The following KSR2 variants were observed in gnomAD, a reference collection of about 807,000 sequenced individuals.
The protein encoded by KSR2 is kinase suppressor of ras 2.
KSR2 carries 25 observed loss-of-function variants against 107.8 expected under a neutral mutation model. The observed-to-expected ratio is 0.23, with a 90% CI of 0.17 to 0.32. The LOEUF (loss-of-function observed/expected upper bound fraction) is 0.32, where lower values mean the gene tolerates loss of function less well. Ranked by LOEUF, KSR2 falls within the 10% of genes least tolerant of loss-of-function variation. The probability of loss-of-function intolerance (pLI) is 1.00; values close to 1 mark genes in which losing one functional copy is unlikely to be tolerated. For synonymous variants in KSR2, 480 were observed against 507.0 expected, an observed-to-expected ratio of 0.95 and a Z score of 0.71; for missense variants, 887 against 1,268.9, an observed-to-expected ratio of 0.70 and a Z score of 4.57.
At position 117,463,645 on chromosome 12, in the gene KSR2, T is replaced by C. The variant is rs939955678; in HGVS notation, c.*3554A>G. The C allele has an allele frequency of 6.6e-6, 1 of 152,276 alleles. No homozygotes were observed. The highest frequency in any genetic ancestry group is 2.4e-5 in the African/African-American group (1 of 41,472). The allele number at this position is 152,276 out of a possible 1,614,324, so 9.4% of individuals were successfully genotyped here. A position where few individuals can be genotyped will look rare whatever the true frequency, so the allele number is the denominator to read the frequency against. ...CTCAATTAAAACATGTAAAAACCATTTGGCAGGCTGGGTATGGCCTATGGG... is the reference window on the plus strand; with the variant it reads ...CTCAATTAAAACATGTAAAAACCATCTGGCAGGCTGGGTATGGCCTATGGG... On this transcript the variant is annotated 3_prime_UTR_variant, in exon 20 of 20. Transcript: ENST00000339824.
intron 1 of KSR2, among the ~76,000 whole-genome samples, chr12:117,957,229 C>T (rs1270443495): frequency 7.9e-5 from 12 of 152,122 alleles, no homozygotes; most frequent in Admixed American, 6.6e-5. Context: ...CCTGTGTCTG[C>T]GGCTGCCTTA....
At chr12:117,472,185 G>A (rs1334286307) in intron 17 of KSR2, among the ~76,000 whole-genome samples, 1 of 152,112 alleles carries the variant, frequency 6.6e-6, no homozygotes. Flanking sequence ...GTGGAAGGAT[G>A]TTTATCTGGG....
chr12:117,673,655 A>C (rs1370335758), intron 4 of KSR2, among the ~76,000 whole-genome samples: 1 of 152,090 alleles, frequency 6.6e-6, no homozygotes, highest in Non-Finnish European at 1.5e-5. Context: ...TCACCTTTCC[A>C]TCCACCCTCA....
Position 117,948,127 on chromosome 12 carries a change from C to T in KSR2, c.180+19949G>A, listed in dbSNP as rs116704935. Reference sequence around the variant, plus strand: ...TCACACTATTCAGTTTTTTTCTTTCCTTACCTAGATTTGACTGGTCAATTT... The same window carrying T: ...TCACACTATTCAGTTTTTTTCTTTCTTTACCTAGATTTGACTGGTCAATTT... On this transcript the variant is annotated intron_variant, in intron 1 of 19. Coordinates refer to ENST00000339824, the MANE Select transcript of KSR2 (RefSeq NM_173598.6). Among the ~76,000 whole-genome samples, 1,135 of 151,954 alleles carry T rather than the reference C, an allele frequency of 7.5e-3. 18 individuals are homozygous for T. Among genetic ancestry groups the T allele is most frequent in the African/African-American group, 0.025 (1,036 of 41,470 alleles).
chr12:117,676,629 G>T (rs1193410544), intron 4 of KSR2, among the ~76,000 whole-genome samples: 1 of 152,088 alleles, frequency 6.6e-6, no homozygotes, highest in East Asian at 1.9e-4. Flanking sequence ...CACCCAAATG[G>T]CTAAAAATAG....
At chr12:117,481,013 G>T (rs1160213923) in intron 16 of KSR2, among the ~76,000 whole-genome samples, 1 of 151,940 alleles carries the variant, frequency 6.6e-6, no homozygotes, top group East Asian at 1.9e-4. Context: ...AGTGAGCCGT[G>T]ATTGCACTAC....
intron 3 of KSR2, among the ~76,000 whole-genome samples, chr12:117,833,700 T>C (rs1410643433): frequency 6.6e-6 from 1 of 152,120 alleles, no homozygotes; most frequent in Admixed American, 6.5e-5. Flanking sequence ...TTTTTCCACA[T>C]TCAGTGGCAT....
intron 4 of KSR2, among the ~76,000 whole-genome samples, chr12:117,717,622 T>C (rs1887035121): frequency 6.6e-6 from 1 of 152,052 alleles, no homozygotes; most frequent in Admixed American, 6.6e-5. Flanking sequence ...TCTGTTACTT[T>C]AGTCTATCTA....
At chr12:117,635,043 T>C (rs1883000039) in intron 5 of KSR2, among the ~76,000 whole-genome samples, 1 of 152,066 alleles carries the variant, frequency 6.6e-6, no homozygotes, top group African/African-American at 2.4e-5. Flanking sequence ...CAATCAGACA[T>C]CCACACACAG....
At chr12:117,901,387 C>A (rs192430660) in intron 1 of KSR2, among the ~76,000 whole-genome samples, 48 of 151,754 alleles carry the variant, frequency 3.2e-4, no homozygotes, top group African/African-American at 1.1e-3. Flanking sequence ...ACTGCAACCT[C>A]CACCTCCTGG....
At position 117,460,142 on chromosome 12, in the gene KSR2, G is replaced by A. The variant is rs958095235; in HGVS notation, c.*7057C>T. 2.0e-5 allele frequency: 3 copies of A among 152,214 alleles called. No homozygotes were observed. Among genetic ancestry groups the A allele is most frequent in the Admixed American group, 2.0e-4 (3 of 15,284 alleles). The allele number at this position is 152,214 out of a possible 1,614,324, so 9.4% of individuals were successfully genotyped here. ...CGGCGAGTTTTCCATGGAATGAAAG[G>A]TCTATGGGACATGCTTGGGAAACAA... On this transcript the variant is annotated 3_prime_UTR_variant, in exon 20 of 20. Transcript: ENST00000339824.
At position 117,502,255 on chromosome 12, in the gene KSR2, T is replaced by G. The variant is rs183843785; in HGVS notation, c.2220-16564A>C. Among the ~76,000 whole-genome samples, 3 of 152,118 alleles carry G rather than the reference T, an allele frequency of 2.0e-5. No individual in the cohort carries two copies. The East Asian group carries it at 5.8e-4, about 29-fold the overall frequency. ...TGTGTGTGTACATATGTATGTGGAC[T>G]CACGTGTGTAGGGGTCTTTGCATTT... On this transcript the variant is annotated intron_variant, in intron 14 of 19. Coordinates refer to ENST00000339824, the MANE Select transcript of KSR2 (RefSeq NM_173598.6).
chr12:117,820,591 T>C (rs746082592), intron 3 of KSR2, among the ~76,000 whole-genome samples: 1 of 151,948 alleles, frequency 6.6e-6, no homozygotes, highest in Non-Finnish European at 1.5e-5. Context: ...AAGGAAGAAA[T>C]AGGAAGACTT....
chr12:117,484,678 G>A (rs1048828699), intron 15 of KSR2, 129 bp from the exon 16 acceptor site: 1 of 905,834 alleles, frequency 1.1e-6, no homozygotes, highest in Non-Finnish European at 1.7e-6. Context: ...CAGAGGCAGG[G>A]CCTGGGGTCT....
At chr12:117,878,548 T>A (rs758115771) in intron 1 of KSR2, among the ~76,000 whole-genome samples, 1 of 152,126 alleles carries the variant, frequency 6.6e-6, no homozygotes, top group Non-Finnish European at 1.5e-5. Flanking sequence ...TAGGCAGAAG[T>A]TCTGAGACTT....
At chr12:117,789,243 G>T (rs186154437) in intron 3 of KSR2, among the ~76,000 whole-genome samples, 1 of 152,148 alleles carries the variant, frequency 6.6e-6, no homozygotes, top group Non-Finnish European at 1.5e-5. Context: ...CTTCTGTAAG[G>T]CAAAAGAGAA....
At chr12:117,774,179 C>T (rs1889606130) in intron 3 of KSR2, among the ~76,000 whole-genome samples, 2 of 152,180 alleles carry the variant, frequency 1.3e-5, no homozygotes, top group Admixed American at 1.3e-4. Flanking sequence ...GCACCTGGGG[C>T]AGCTCCTTCT....
chr12:117,480,261 C>G (rs1245166825), intron 16 of KSR2, among the ~76,000 whole-genome samples: 1 of 152,132 alleles, frequency 6.6e-6, no homozygotes, highest in East Asian at 1.9e-4. Flanking sequence ...CTCTTCCTGA[C>G]TCATGGGGTC....
rs373711975 is a variant in KSR2, at chr12:117,466,824, G to GAC, written c.*373_*374dup. The GAC allele has an allele frequency of 1.7e-5, 4 of 230,110 alleles. No homozygotes were observed. Among genetic ancestry groups the GAC allele is most frequent in the South Asian group, 1.8e-4 (1 of 5,510 alleles). The allele number at this position is 230,110 out of a possible 1,614,324, so 14.3% of individuals were successfully genotyped here. ...AAGAGTGAACAACGTCAAACACACAGACACACACACACATAGCCCCGTCTG... is the reference window on the plus strand; with the variant it reads ...AAGAGTGAACAACGTCAAACACACAGACACACACACACACATAGCCCCGTCTG... On this transcript the variant is annotated 3_prime_UTR_variant, in exon 20 of 20. Transcript: ENST00000339824.
Sources: allele counts gnomAD v4.1 joint callset (sites outside exome capture counted in the v4.1 genomes callset), GRCh38; gene constraint gnomAD v4.1.1; transcripts MANE v1.5; gene names NCBI Gene and HGNC (gene_info 2026-07-23, HGNC 2026-07-21).